Variants in RALGPS1 observed in about 807,000 individuals in gnomAD.
RALGPS1 encodes ras-specific guanine nucleotide-releasing factor RalGPS1.
A neutral mutation model predicts 78.8 loss-of-function variants in RALGPS1; 19 were observed. The ratio of observed to expected loss-of-function variants is 0.24; its 90% confidence interval spans 0.17 to 0.35. RALGPS1 has a LOEUF of 0.35. RALGPS1 is among the 10% of genes least tolerant of loss of function. The pLI, the probability that RALGPS1 is intolerant of heterozygous loss-of-function variation, is 1.00. For synonymous variants in RALGPS1, 228 were observed against 256.3 expected, an observed-to-expected ratio of 0.89 and a Z score of 1.06; for missense variants, 454 against 688.3, an observed-to-expected ratio of 0.66 and a Z score of 3.81.
intron 11 of RALGPS1, chr9:127,178,029 C>G: frequency 6.6e-7 from 1 of 1,509,354 alleles, no homozygotes; most frequent in Non-Finnish European, 8.9e-7. Context: ...GCGAGGCACC[C>G]ATGGGCCGGC....
intron 4 of RALGPS1, among the ~76,000 whole-genome samples, chr9:126,986,961 G>A (rs1123684): frequency 0.26 from 39,788 of 152,102 alleles, 6,188 homozygotes; most frequent in East Asian, 0.57. Context: ...AGAACTTAGC[G>A]CGGTGCCTGT....
At position 127,195,846 on chromosome 9, in the gene RALGPS1, C is replaced by G. The variant is rs72766209; in HGVS notation, c.1038-628C>G. 6.6e-3 allele frequency among the ~76,000 whole-genome samples: 948 copies of G among 142,632 alleles called. 4 individuals are homozygous for G. The highest frequency in any genetic ancestry group is 0.011 in the Non-Finnish European group (706 of 64,736). The allele number at this position is 142,632 out of a possible 152,430, so 93.6% of individuals were successfully genotyped here. A position where few individuals can be genotyped will look rare whatever the true frequency, so the allele number is the denominator to read the frequency against. ...TCCTTCCTTCTTTCCTACCTACCTA[C>G]CTACCTACCACTTCCAAGGCACAAG... On this transcript the variant is annotated intron_variant, in intron 12 of 18. Coordinates refer to ENST00000259351, the MANE Select transcript of RALGPS1 (RefSeq NM_014636.3).
intron 18 of RALGPS1, chr9:127,217,035 A>G: frequency 1.3e-6 from 2 of 1,497,724 alleles, no homozygotes; most frequent in Non-Finnish European, 1.8e-6. Flanking sequence ...AGTCAGGAGC[A>G]ACAGTGGTAG....
chr9:127,068,105 C>A (rs1343029111), intron 7 of RALGPS1, among the ~76,000 whole-genome samples: 1 of 152,236 alleles, frequency 6.6e-6, no homozygotes, highest in Non-Finnish European at 1.5e-5. Flanking sequence ...CTTCTCTAAT[C>A]TCTGACTAGG....
At chr9:127,121,751 C>G (rs763716896) in intron 8 of RALGPS1, among the ~76,000 whole-genome samples, 5 of 152,222 alleles carry the variant, frequency 3.3e-5, no homozygotes, top group Admixed American at 6.5e-5. Flanking sequence ...TGCGTCCGTT[C>G]CCGTGCTGGG....
At chr9:127,147,017 C>T (rs2058133860) in intron 8 of RALGPS1, among the ~76,000 whole-genome samples, 1 of 152,204 alleles carries the variant, frequency 6.6e-6, no homozygotes, top group Non-Finnish European at 1.5e-5. Context: ...GTTCCCTTTT[C>T]TCTGCAGCCT....
At chr9:126,981,471 C>T (rs757364555) in intron 4 of RALGPS1, among the ~76,000 whole-genome samples, 3 of 152,228 alleles carry the variant, frequency 2.0e-5, no homozygotes, top group Non-Finnish European at 4.4e-5. Context: ...CCTTGCTTGG[C>T]TCCCTAGCCC....
At chr9:127,045,977 G>A (rs1335699073) in intron 5 of RALGPS1, among the ~76,000 whole-genome samples, 4 of 152,186 alleles carry the variant, frequency 2.6e-5, no homozygotes, top group Non-Finnish European at 2.9e-5. Context: ...TAAAAGATGA[G>A]CCTGTTGCAT....
intron 8 of RALGPS1, among the ~76,000 whole-genome samples, chr9:127,132,443 T>C (rs1406512832): frequency 6.6e-6 from 1 of 152,240 alleles, no homozygotes; most frequent in Non-Finnish European, 1.5e-5. Context: ...ATACTTCTGC[T>C]TCGCCTTGGA....
chr9:127,147,887 A>G (rs1434065514), intron 8 of RALGPS1, among the ~76,000 whole-genome samples: 3 of 152,196 alleles, frequency 2.0e-5, no homozygotes, highest in African/African-American at 7.2e-5. Flanking sequence ...CTGATTCTCA[A>G]AACAGCCTTG....
chr9:127,216,941 C>T, intron 18 of RALGPS1: 2 of 1,547,916 alleles, frequency 1.3e-6, no homozygotes, highest in Non-Finnish European at 8.7e-7. Flanking sequence ...CAGGAACTGA[C>T]AGCCACGAGG....
Position 126,962,493 on chromosome 9 carries a change from C to T in RALGPS1, c.57+147C>T, listed in dbSNP as rs554077717. The T allele has an allele frequency of 2.0e-5, 16 of 809,512 alleles. No individual in the cohort carries two copies. In the East Asian group the frequency reaches 3.5e-4, roughly 18 times the overall value. 50.1% of individuals were successfully genotyped at this position (809,512 alleles called of 1,614,324 possible). A position where few individuals can be genotyped will look rare whatever the true frequency, so the allele number is the denominator to read the frequency against. On this transcript the variant is annotated intron_variant, in intron 2 of 18. Transcript: ENST00000259351. ...TCCTAAGGCCCCTGGCCATGCCAGG[C>T]GTGAGATTTGGGAGGCAGTCAGCCC... is the stretch of plus-strand genomic sequence containing the variant.
intron 8 of RALGPS1, among the ~76,000 whole-genome samples, chr9:127,131,831 G>T (rs1334649056): frequency 1.3e-5 from 2 of 152,154 alleles, no homozygotes; most frequent in African/African-American, 4.8e-5. Context: ...GTGGGTCCTT[G>T]TGCTCACCAC....
At chr9:127,143,768 A>C (rs2057928951) in intron 8 of RALGPS1, among the ~76,000 whole-genome samples, 1 of 152,262 alleles carries the variant, frequency 6.6e-6, no homozygotes, top group African/African-American at 2.4e-5. Context: ...GTCATGATGT[A>C]TAATTTAAGA....
intron 8 of RALGPS1, among the ~76,000 whole-genome samples, chr9:127,119,857 A>G (rs1388035686): frequency 1.3e-5 from 2 of 152,234 alleles, no homozygotes; most frequent in African/African-American, 4.8e-5. Context: ...GCTCATCCTA[A>G]GCTGCCCAGA....
chr9:127,137,740 T>TA (rs749631445), intron 8 of RALGPS1, among the ~76,000 whole-genome samples: 1 of 152,206 alleles, frequency 6.6e-6, no homozygotes, highest in Non-Finnish European at 1.5e-5. Context: ...ACTGGGGAGA[T>TA]ACATGGCGTG....
chr9:126,978,386 A>T (rs2040885243), intron 4 of RALGPS1: 1 of 152,128 alleles, frequency 6.6e-6, no homozygotes, highest in African/African-American at 2.4e-5. Flanking sequence ...GGTCTTAAAA[A>T]AATTCCTGGA....
At position 126,935,467 on chromosome 9, in the gene RALGPS1, T is replaced by C. The variant is rs570362445; in HGVS notation, c.-66+20492T>C. Reference sequence around the variant, plus strand: ...TAGGTAGGAACAGCCACAACAAATGTTAAAAGCTGAAATATTAACAATATT... The same window carrying C: ...TAGGTAGGAACAGCCACAACAAATGCTAAAAGCTGAAATATTAACAATATT... On this transcript the variant is annotated intron_variant, in intron 1 of 18. Transcript: ENST00000259351. Among the ~76,000 whole-genome samples, 37 of 152,300 alleles carry C rather than the reference T, an allele frequency of 2.4e-4. 1 individual carries two copies. The Middle Eastern group carries it at 0.014, about 56-fold the overall frequency.
intron 11 of RALGPS1, chr9:127,178,130 T>C: frequency 1.1e-6 from 1 of 890,844 alleles, no homozygotes; most frequent in Non-Finnish European, 1.6e-6. Context: ...TGGAGGATGA[T>C]TGGCTGTGCA....
Sources: gnomAD v4.1 joint callset for allele counts (sites outside exome capture counted in the v4.1 genomes callset) on GRCh38, gnomAD v4.1.1 for gene constraint, MANE v1.5 for transcripts, NCBI Gene and HGNC (gene_info 2026-07-23, HGNC 2026-07-21) for gene names.